Variants in TBCK observed in about 807,000 individuals in gnomAD.
TBCK encodes TBC domain-containing protein kinase-like protein.
Under a neutral mutation model 113.4 loss-of-function variants are expected in TBCK, and 99 were observed. The observed-to-expected ratio is 0.87, with a 90% CI of 0.74 to 1.03. The LOEUF is 1.03. Among genes scored for constraint, TBCK ranks in the 50% least tolerant of loss-of-function variants. TBCK has a pLI of 0.00. For synonymous variants in TBCK, 369 were observed against 370.8 expected (o/e 1.00, Z 0.05); for missense variants, 1,045 against 1,061.3 (o/e 0.98, Z 0.21).
chr4:106,202,192 T>A (rs11097921), intron 20 of TBCK, among the ~76,000 whole-genome samples: 21,657 of 140,740 alleles, frequency 0.15, 1,685 homozygotes, highest in Middle Eastern at 0.25. Context: ...TTTTTTTTTT[T>A]AAATTAGGAG....
At chr4:106,213,130 C>A (rs113300164) in intron 19 of TBCK, among the ~76,000 whole-genome samples, 30 of 152,286 alleles carry the variant, frequency 2.0e-4, no homozygotes, top group African/African-American at 7.0e-4. Context: ...AGCACATTTT[C>A]TCTGGTAATA....
intron 25 of TBCK, among the ~76,000 whole-genome samples, chr4:106,060,560 T>C (rs1401105828): frequency 1.3e-5 from 2 of 151,810 alleles, no homozygotes; most frequent in East Asian, 3.9e-4. Context: ...TTATTGCTCA[T>C]TGACAATGCA....
chr4:106,246,537 A>C (rs1245392703), intron 10 of TBCK, among the ~76,000 whole-genome samples: 2 of 152,114 alleles, frequency 1.3e-5, no homozygotes, highest in East Asian at 3.9e-4. Context: ...GAATATCAGT[A>C]ACTTAAATAG....
intron 24 of TBCK, among the ~76,000 whole-genome samples, chr4:106,115,749 T>C (rs953648876): frequency 2.6e-5 from 4 of 152,204 alleles, no homozygotes; most frequent in African/African-American, 9.6e-5. Context: ...TAAATAACAT[T>C]TTGTAGTTAG....
At chr4:106,178,449 G>C (rs1490611415) in intron 22 of TBCK, among the ~76,000 whole-genome samples, 1 of 151,832 alleles carries the variant, frequency 6.6e-6, no homozygotes, top group East Asian at 1.9e-4. Context: ...GTAGCTGTGG[G>C]GTTGTCACAT....
intron 3 of TBCK, among the ~76,000 whole-genome samples, chr4:106,269,701 G>C (rs773208819): frequency 1.3e-5 from 2 of 152,110 alleles, no homozygotes; most frequent in Non-Finnish European, 2.9e-5. Flanking sequence ...TCAGTTGTGA[G>C]ACTAGGCATA....
chr4:106,241,302 C>T (rs1011874562), intron 12 of TBCK, among the ~76,000 whole-genome samples: 1 of 151,816 alleles, frequency 6.6e-6, no homozygotes, highest in African/African-American at 2.4e-5. Context: ...TAAAACCCTA[C>T]ATTTTAAATA....
chr4:106,218,257 A>G (rs1252714410), intron 19 of TBCK, among the ~76,000 whole-genome samples: 1 of 150,238 alleles, frequency 6.7e-6, no homozygotes, highest in Non-Finnish European at 1.5e-5. Context: ...ACCTAAAACC[A>G]TAAAAACCCT....
At chr4:106,283,502 C>A (rs1223167971) in intron 3 of TBCK, among the ~76,000 whole-genome samples, 2 of 152,044 alleles carry the variant, frequency 1.3e-5, no homozygotes, top group Non-Finnish European at 2.9e-5. Context: ...CTGTACATTG[C>A]ACTAAAGATT....
At chr4:106,121,717 A>G (rs1744409519) in intron 23 of TBCK, among the ~76,000 whole-genome samples, 1 of 152,226 alleles carries the variant, frequency 6.6e-6, no homozygotes, top group Admixed American at 6.5e-5. Context: ...AGGATTAAGA[A>G]TCTTACTCAA....
chr4:106,110,601 G>A (rs548794243), intron 24 of TBCK, among the ~76,000 whole-genome samples: 1 of 152,198 alleles, frequency 6.6e-6, no homozygotes, highest in Non-Finnish European at 1.5e-5. Flanking sequence ...GTTTCTGAAA[G>A]AAGGTGCACT....
intron 3 of TBCK, among the ~76,000 whole-genome samples, chr4:106,271,924 T>C (rs906971592): frequency 1.3e-5 from 2 of 152,154 alleles, no homozygotes; most frequent in Non-Finnish European, 2.9e-5. Context: ...CTCATTAATA[T>C]AGATACTGCT....
intron 22 of TBCK, among the ~76,000 whole-genome samples, chr4:106,188,703 T>A (rs986476329): frequency 6.6e-6 from 1 of 152,180 alleles, no homozygotes; most frequent in African/African-American, 2.4e-5. Flanking sequence ...TAAGTAAAAA[T>A]TCTGATCACC....
intron 2 of TBCK, among the ~76,000 whole-genome samples, chr4:106,308,090 A>G (rs1767728199): frequency 6.6e-6 from 1 of 152,196 alleles, no homozygotes; most frequent in South Asian, 2.1e-4. Flanking sequence ...TTTCCTTCAT[A>G]TAGATAAAGA....
chr4:106,237,487 T>C (rs184855424), intron 12 of TBCK: 1 of 455,910 alleles, frequency 2.2e-6, no homozygotes, highest in Non-Finnish European at 4.4e-6. Context: ...TAATGCCATC[T>C]TGCCTGCTGC....
chr4:106,201,688 T>C (rs549217705), intron 20 of TBCK, among the ~76,000 whole-genome samples: 42 of 152,016 alleles, frequency 2.8e-4, no homozygotes, highest in African/African-American at 9.9e-4. Context: ...GGGAGAACCA[T>C]CAATAGGAAA....
intron 10 of TBCK, among the ~76,000 whole-genome samples, chr4:106,245,684 A>T (rs561518725): frequency 1.3e-5 from 2 of 152,292 alleles, no homozygotes; most frequent in South Asian, 2.1e-4. Context: ...TATACTACTA[A>T]AAGTGGCTTA....
chr4:106,154,940 C>T (rs530504666), intron 23 of TBCK, among the ~76,000 whole-genome samples: 1 of 151,460 alleles, frequency 6.6e-6, no homozygotes, highest in East Asian at 1.9e-4. Flanking sequence ...TTTCTGTGTA[C>T]TATTACTAGT....
intron 3 of TBCK, among the ~76,000 whole-genome samples, chr4:106,266,121 T>C (rs1762969384): frequency 6.6e-6 from 1 of 151,768 alleles, no homozygotes; most frequent in Non-Finnish European, 1.5e-5. Context: ...AAAAAAATTA[T>C]TTGTAACTTA....
Sources: gnomAD v4.1 joint callset for allele counts (sites outside exome capture counted in the v4.1 genomes callset) on GRCh38, gnomAD v4.1.1 for gene constraint, MANE v1.5 for transcripts, NCBI Gene and HGNC (gene_info 2026-07-23, HGNC 2026-07-21) for gene names.